The following ZFAT variants were observed in gnomAD, a reference collection of about 807,000 sequenced individuals.
The protein encoded by ZFAT is zinc finger and AT-hook domain containing, also known as zinc finger protein ZFAT.
ZFAT carries 64 observed loss-of-function variants against 117.7 expected under a neutral mutation model. That is an observed-to-expected ratio of 0.54 (90% confidence interval 0.44 to 0.67). The LOEUF (loss-of-function observed/expected upper bound fraction) is 0.67. Among genes scored for constraint, ZFAT ranks in the 30% least tolerant of loss-of-function variants. The pLI is 0.00. For missense variants in ZFAT, 1,433 were observed against 1,584.5 expected, an observed-to-expected ratio of 0.90 and a Z score of 1.62; for synonymous variants, 679 against 615.0, an observed-to-expected ratio of 1.10 and a Z score of -1.54.
the ZFAT span, among the ~76,000 whole-genome samples, chr8:134,789,889 C>G: frequency 6.6e-6 from 1 of 152,170 alleles, no homozygotes; most frequent in African/African-American, 2.4e-5. Flanking sequence ...CCAGTATACA[C>G]AGTGTGGTAC....
intron 1 of ZFAT, among the ~76,000 whole-genome samples, chr8:134,662,991 C>T (rs952373764): frequency 2.0e-5 from 3 of 152,246 alleles, no homozygotes; most frequent in Admixed American, 2.0e-4. Flanking sequence ...CAGACATGCA[C>T]GCACAGACAC....
chr8:134,695,468 G>C (rs1158105555), intron 1 of ZFAT, among the ~76,000 whole-genome samples: 1 of 150,370 alleles, frequency 6.7e-6, no homozygotes, highest in Admixed American at 6.6e-5. Flanking sequence ...AACCAAGATG[G>C]CGCCAGCCCC....
chr8:134,727,353 A>G, the ZFAT span, among the ~76,000 whole-genome samples: 1 of 152,118 alleles, frequency 6.6e-6, no homozygotes, highest in Non-Finnish European at 1.5e-5. Context: ...AGGTCAGGAC[A>G]CTGCTGTGTT....
At chr8:134,724,131 C>T in the ZFAT span, among the ~76,000 whole-genome samples, 1 of 152,196 alleles carries the variant, frequency 6.6e-6, no homozygotes. Flanking sequence ...TAAGCAGGCT[C>T]AGGTGCCATC....
intron 1 of ZFAT, among the ~76,000 whole-genome samples, chr8:134,683,011 A>G (rs1455818597): frequency 3.9e-5 from 6 of 152,176 alleles, no homozygotes; most frequent in Non-Finnish European, 7.4e-5. Flanking sequence ...GGACAAACGC[A>G]CCCTTCCTTA....
At chr8:134,695,209 AC>A (rs1344697542) in intron 1 of ZFAT, among the ~76,000 whole-genome samples, 1 of 152,220 alleles carries the variant, frequency 6.6e-6, no homozygotes, top group African/African-American at 2.4e-5. Flanking sequence ...CCCGGGAGGC[AC>A]CCCGGCCAGG....
intron 1 of ZFAT, among the ~76,000 whole-genome samples, chr8:134,702,929 C>A (rs568043710): frequency 6.6e-6 from 1 of 152,184 alleles, no homozygotes; most frequent in African/African-American, 2.4e-5. Flanking sequence ...CCTCGGCCTC[C>A]CAAAGTGCTG....
At chr8:134,788,571 G>A in the ZFAT span, among the ~76,000 whole-genome samples, 1 of 152,080 alleles carries the variant, frequency 6.6e-6, no homozygotes, top group African/African-American at 2.4e-5. Context: ...TGTGAATTAT[G>A]TTTTTTAAAT....
chr8:134,783,274 C>T, the ZFAT span, among the ~76,000 whole-genome samples: 5 of 152,224 alleles, frequency 3.3e-5, no homozygotes, highest in South Asian at 2.1e-4. Context: ...GGACCAGTAT[C>T]GGTCCATGCC....
chr8:134,624,014 T>C (rs1829312521), intron 3 of ZFAT, among the ~76,000 whole-genome samples: 1 of 152,140 alleles, frequency 6.6e-6, no homozygotes, highest in South Asian at 2.1e-4. Context: ...AAGAAACTAC[T>C]ATACAGACCT....
chr8:134,572,067 T>A (rs1824953754), intron 10 of ZFAT, among the ~76,000 whole-genome samples: 2 of 152,158 alleles, frequency 1.3e-5, no homozygotes, highest in South Asian at 2.1e-4. Flanking sequence ...AAATAACACA[T>A]TGTCCGAAAA....
the ZFAT span, among the ~76,000 whole-genome samples, chr8:134,811,910 GA>G: frequency 6.6e-6 from 1 of 152,194 alleles, no homozygotes; most frequent in Admixed American, 6.5e-5. Flanking sequence ...TCGGGAGGCT[GA>G]GGCGGGTGGA....
rs573441012 is a variant in ZFAT at position 134,620,967 on chromosome 8, C to A, written c.449-10312G>T. On this transcript the variant is annotated intron_variant, in intron 3 of 15. Coordinates refer to ENST00000377838, the MANE Select transcript of ZFAT (RefSeq NM_020863.4). ...TTCAAAATGAACCCTCTTCAAATATCCTGCTTCTTCATGTACATGTGCTAA... is the reference window on the plus strand; with the variant it reads ...TTCAAAATGAACCCTCTTCAAATATACTGCTTCTTCATGTACATGTGCTAA... Among the ~76,000 whole-genome samples the A allele has an allele frequency of 2.6e-5, 4 of 152,200 alleles. No individual in the cohort carries two copies. In the East Asian group the frequency reaches 7.7e-4, roughly 29 times the overall value.
At chr8:134,793,023 G>A in the ZFAT span, 1 of 152,122 alleles carries the variant, frequency 6.6e-6, no homozygotes, top group African/African-American at 2.4e-5. Context: ...AAAAAGCGGG[G>A]GTGTGGTGGG....
the ZFAT span, among the ~76,000 whole-genome samples, chr8:134,829,252 A>G: frequency 6.6e-6 from 1 of 152,186 alleles, no homozygotes; most frequent in African/African-American, 2.4e-5. Context: ...AAAATATGAA[A>G]TTTTTGTTGC....
At chr8:134,495,804 C>A (rs532480225) in intron 15 of ZFAT, among the ~76,000 whole-genome samples, 2 of 152,218 alleles carry the variant, frequency 1.3e-5, no homozygotes, top group South Asian at 4.2e-4. Context: ...GTGGTTCATG[C>A]CTTTGGTCCC....
At chr8:134,627,273 G>A (rs1057138772) in intron 3 of ZFAT, among the ~76,000 whole-genome samples, 4 of 152,194 alleles carry the variant, frequency 2.6e-5, no homozygotes, top group Admixed American at 2.6e-4. Flanking sequence ...CTGCATTAGA[G>A]GTGATGACAG....
chr8:134,736,243 A>T, the ZFAT span, among the ~76,000 whole-genome samples: 2 of 152,196 alleles, frequency 1.3e-5, no homozygotes, highest in South Asian at 4.1e-4. Context: ...ACCACACCCC[A>T]GCAACCTACT....
At chr8:134,557,111 T>C (rs1823687628) in intron 11 of ZFAT, among the ~76,000 whole-genome samples, 2 of 152,140 alleles carry the variant, frequency 1.3e-5, no homozygotes, top group Admixed American at 6.5e-5. Flanking sequence ...TACAGTGTTT[T>C]ATGCTTCTTA....
Sources: gnomAD v4.1 joint callset for allele counts (sites outside exome capture counted in the v4.1 genomes callset) on GRCh38, gnomAD v4.1.1 for gene constraint, MANE v1.5 for transcripts, NCBI Gene and HGNC (gene_info 2026-07-23, HGNC 2026-07-21) for gene names.